Variants in RNMT observed in about 807,000 individuals in gnomAD.
The protein encoded by RNMT is mRNA cap guanine-N(7) methyltransferase.
In RNMT, 27 loss-of-function variants were observed where a neutral mutation model predicts 56.0. That is an observed-to-expected ratio of 0.48 (90% confidence interval 0.36 to 0.67). RNMT has a LOEUF of 0.67. Among genes scored for constraint, RNMT ranks in the 30% least tolerant of loss-of-function variants. The probability of loss-of-function intolerance (pLI) is 0.00; values close to 1 mark genes in which losing one functional copy is unlikely to be tolerated. For synonymous variants in RNMT, 184 were observed against 176.2 expected (o/e 1.04, Z -0.35); for missense variants, 519 against 552.1 (o/e 0.94, Z 0.60).
chr18:13,727,481 C>T (rs938264154), intron 1 of RNMT, among the ~76,000 whole-genome samples: 18 of 152,162 alleles, frequency 1.2e-4, no homozygotes, highest in Non-Finnish European at 2.4e-4. Context: ...TAAATTGATA[C>T]ATAGAAGTTG....
chr18:13,752,422 C>A lies in RNMT; in HGVS notation c.1354C>A (p.Pro452Thr). The change falls in exon 10 of 12, where the codon CCT (proline) becomes ACT (threonine). Residue 452 changes from proline (P) to threonine (T), a missense_variant. Coordinates refer to ENST00000383314, the MANE Select transcript of RNMT (RefSeq NM_003799.3). ...KYMKNSQVRLPLGTLSKSEWE... is the reference protein window; with the variant it reads ...KYMKNSQVRLTLGTLSKSEWE... ...CATGAAGAACAGTCAAGTAAGGTTACCTTTGGTAAGTTTTAATTTATGAAA... is the reference window on the plus strand; with the variant it reads ...CATGAAGAACAGTCAAGTAAGGTTAACTTTGGTAAGTTTTAATTTATGAAA... 6.3e-7 allele frequency: 1 copy of A among 1,592,756 alleles called. No homozygotes were observed. Among genetic ancestry groups the A allele is most frequent in the Non-Finnish European group, 8.6e-7 (1 of 1,161,380 alleles).
At chr18:13,741,435 A>G in intron 6 of RNMT, 75 bp from the exon 7 acceptor site, 1 of 928,838 alleles carries the variant, frequency 1.1e-6, no homozygotes, top group Non-Finnish European at 1.7e-6. Context: ...TACATTCTAG[A>G]AGTTAATTTA....
intron 6 of RNMT, 88 bp from the exon 7 acceptor site, chr18:13,741,422 C>T (rs2044248782): frequency 1.3e-5 from 10 of 798,226 alleles, no homozygotes; most frequent in Non-Finnish European, 2.0e-5. Context: ...AAAGGAAGAA[C>T]CTTACATTCT....
chr18:13,737,668 G>T (rs1028998017), intron 5 of RNMT, among the ~76,000 whole-genome samples: 1 of 151,920 alleles, frequency 6.6e-6, no homozygotes, highest in African/African-American at 2.4e-5. Context: ...TGTCTAAAGG[G>T]CAGACTTGAA....
chr18:13,735,708 A>G (rs1186372480), intron 4 of RNMT, among the ~76,000 whole-genome samples: 1 of 151,750 alleles, frequency 6.6e-6, no homozygotes, highest in Non-Finnish European at 1.5e-5. Context: ...TATTTTCCAC[A>G]TTGTTACATG....
chr18:13,753,413 C>T (rs1188021247), intron 10 of RNMT, among the ~76,000 whole-genome samples: 4 of 151,148 alleles, frequency 2.6e-5, no homozygotes, highest in South Asian at 2.1e-4. Context: ...TGCAGTGAGC[C>T]GAGATCGCAG....
intron 11 of RNMT, 70 bp from the exon 12 acceptor site, chr18:13,759,872 T>C (rs1598432039): frequency 7.2e-7 from 1 of 1,382,010 alleles, no homozygotes; most frequent in Non-Finnish European, 1.0e-6. Flanking sequence ...CACCAAATTA[T>C]GAACAAGACA....
intron 6 of RNMT, 98 bp from the exon 7 acceptor site, chr18:13,741,412 A>T: frequency 1.4e-6 from 1 of 722,448 alleles, no homozygotes; most frequent in Non-Finnish European, 2.3e-6. Flanking sequence ...ATTGTGAGGG[A>T]AAGGAAGAAC....
intron 4 of RNMT, among the ~76,000 whole-genome samples, chr18:13,736,700 G>T (rs1291920867): frequency 6.6e-6 from 1 of 151,880 alleles, no homozygotes; most frequent in African/African-American, 2.4e-5. Flanking sequence ...TCCTGAACAA[G>T]TGTTGTGTTG....
chr18:13,737,642 A>C (rs999383601), intron 5 of RNMT, among the ~76,000 whole-genome samples: 1 of 152,182 alleles, frequency 6.6e-6, no homozygotes, highest in Non-Finnish European at 1.5e-5. Context: ...GAAGCTATCA[A>C]AGATGGTCGG....
At chr18:13,738,250 T>C (rs1568502240) in intron 5 of RNMT, among the ~76,000 whole-genome samples, 1 of 152,214 alleles carries the variant, frequency 6.6e-6, no homozygotes, top group Non-Finnish European at 1.5e-5. Context: ...TTTACTATAT[T>C]GGAAATTAAA....
chr18:13,752,870 A>T (rs2149104071), intron 10 of RNMT, among the ~76,000 whole-genome samples: 1 of 152,376 alleles, frequency 6.6e-6, no homozygotes, highest in African/African-American at 2.4e-5. Flanking sequence ...TCATCAGTAG[A>T]AGTTACAGAT....
intron 8 of RNMT, among the ~76,000 whole-genome samples, chr18:13,744,615 A>G (rs2044322437): frequency 6.6e-6 from 1 of 152,202 alleles, no homozygotes; most frequent in Non-Finnish European, 1.5e-5. Flanking sequence ...ACTGCCTGGA[A>G]TAAAAGACTT....
rs2044640766 is a variant in RNMT at position 13,763,226 on chromosome 18, C to T, written c.*3247C>T. 1 of 442,490 alleles carries T rather than the reference C, an allele frequency of 2.3e-6. No homozygotes were observed. Among genetic ancestry groups the T allele is most frequent in the South Asian group, 1.6e-5 (1 of 62,024 alleles). 27.4% of individuals were successfully genotyped at this position (442,490 alleles called of 1,614,324 possible). The stretch of plus-strand genomic sequence containing the variant: ...CATTCCCCGCCCTCTGACAGAACAA[C>T]ATTCCTAATTCTTTGAAGGCAACCA... On this transcript the variant is annotated 3_prime_UTR_variant, in exon 12 of 12. Coordinates refer to ENST00000383314, the MANE Select transcript of RNMT (RefSeq NM_003799.3).
In RNMT at chr18:13,756,109, A is replaced by G. The variant is rs796431657; in HGVS notation, c.1393+1962A>G. On this transcript the variant is annotated intron_variant, in intron 11 of 11. Transcript: ENST00000383314. ...GGCCCAGGCTACATTTTAGACTTCT[A>G]CTGGTCTGATCATTAAGCTATCACC... 6.4e-4 allele frequency among the ~76,000 whole-genome samples: 97 copies of G among 152,302 alleles called. 1 individual carries two copies. The highest frequency in any genetic ancestry group is 2.2e-3 in the African/African-American group (92 of 41,568).
At chr18:13,751,792 A>G (rs959339363) in intron 9 of RNMT, among the ~76,000 whole-genome samples, 7 of 152,244 alleles carry the variant, frequency 4.6e-5, no homozygotes, top group African/African-American at 7.2e-5. Context: ...GCAGCCATAT[A>G]AAAGGATGAG....
chr18:13,761,588 C>T lies in RNMT; in HGVS notation c.*1609C>T. 3.0e-6 allele frequency: 3 copies of T among 992,816 alleles called. No homozygotes were observed. The highest frequency in any genetic ancestry group is 3.6e-6 in the Non-Finnish European group (3 of 834,118). 61.5% of individuals were successfully genotyped at this position (992,816 alleles called of 1,614,324 possible). A position where few individuals can be genotyped will look rare whatever the true frequency, so the allele number is the denominator to read the frequency against. On this transcript the variant is annotated 3_prime_UTR_variant, in exon 12 of 12. Transcript: ENST00000383314. ...GGGTAACTTGGGGGAGAGAAGAATC[C>T]TCCAAACGATGGAGTAGCCAGTGGT...
chr18:13,743,322 C>CA (rs55940639), intron 8 of RNMT, among the ~76,000 whole-genome samples: 1,115 of 28,132 alleles, frequency 0.04, 45 homozygotes, highest in African/African-American at 0.14. Context: ...AACTCCGTCT[C>CA]AAAAAAAAAA....
At chr18:13,748,570 G>C (rs1266159975) in intron 9 of RNMT, among the ~76,000 whole-genome samples, 1 of 152,170 alleles carries the variant, frequency 6.6e-6, no homozygotes, top group African/African-American at 2.4e-5. Context: ...GTCTTTTCCT[G>C]AAGCATCCAG....
Sources: gnomAD v4.1 joint callset for allele counts (sites outside exome capture counted in the v4.1 genomes callset) on GRCh38, gnomAD v4.1.1 for gene constraint, MANE v1.5 for transcripts, NCBI Gene and HGNC (gene_info 2026-07-23, HGNC 2026-07-21) for gene names.